Variants in GAS2 observed in about 807,000 individuals in gnomAD.
GAS2 encodes the protein growth arrest specific 2.
GAS2 carries 20 observed loss-of-function variants against 37.5 expected under a neutral mutation model. The ratio of observed to expected loss-of-function variants is 0.53; its 90% confidence interval spans 0.37 to 0.77. The LOEUF (loss-of-function observed/expected upper bound fraction) is 0.77, where lower values mean the gene tolerates loss of function less well. GAS2 is among the 30% of genes least tolerant of loss of function. GAS2 has a pLI of 0.00. For synonymous variants in GAS2, 144 were observed against 132.2 expected (o/e 1.09, Z -0.61); for missense variants, 336 against 373.4 (o/e 0.90, Z 0.82).
intron 7 of GAS2, among the ~76,000 whole-genome samples, chr11:22,772,640 A>T (rs1232211187): frequency 2.0e-5 from 3 of 152,084 alleles, no homozygotes; most frequent in Non-Finnish European, 4.4e-5. Context: ...TAGTTTTTTG[A>T]AGGCAGTTCA....
chr11:22,717,695 A>G lies in GAS2; in HGVS notation c.268-8597A>G, dbSNP rs537055702. 4.6e-5 allele frequency among the ~76,000 whole-genome samples: 7 copies of G among 152,256 alleles called. No individual in the cohort carries two copies. In the East Asian group the frequency reaches 1.4e-3, roughly 29 times the overall value. The stretch of plus-strand genomic sequence containing the variant: ...CCAGAGTAAACAGACAACCCACAGT[A>G]TGAGAGAAATATTCACAAACTATGC... On this transcript the variant is annotated intron_variant, in intron 3 of 7. Transcript: ENST00000454584.
intron 3 of GAS2, among the ~76,000 whole-genome samples, chr11:22,695,638 G>A (rs1590653011): frequency 6.6e-6 from 1 of 152,194 alleles, no homozygotes; most frequent in Admixed American, 6.5e-5. Flanking sequence ...GCAAATGCAA[G>A]TCATATTATT....
intron 7 of GAS2, among the ~76,000 whole-genome samples, chr11:22,787,229 A>G (rs942912042): frequency 6.6e-5 from 10 of 152,138 alleles, no homozygotes; most frequent in African/African-American, 1.2e-4. Flanking sequence ...CTCTGTAGCT[A>G]TTTATGCTGT....
intron 7 of GAS2, among the ~76,000 whole-genome samples, chr11:22,784,934 A>G (rs1400243688): frequency 6.6e-6 from 1 of 152,140 alleles, no homozygotes; most frequent in Non-Finnish European, 1.5e-5. Context: ...TGGCATGGCT[A>G]CAGAAGGTTC....
intron 4 of GAS2, among the ~76,000 whole-genome samples, chr11:22,732,102 C>G (rs889799899): frequency 2.6e-5 from 4 of 151,676 alleles, no homozygotes; most frequent in Admixed American, 2.0e-4. Context: ...CTTCAGAAAT[C>G]ATGCCCCATC....
At chr11:22,752,884 C>A (rs2134312873) in intron 6 of GAS2, among the ~76,000 whole-genome samples, 1 of 152,084 alleles carries the variant, frequency 6.6e-6, no homozygotes, top group South Asian at 2.1e-4. Context: ...AATACATCAC[C>A]TTCTTTAATC....
At chr11:22,659,712 A>G (rs1848894452) in intron 1 of GAS2, among the ~76,000 whole-genome samples, 1 of 152,142 alleles carries the variant, frequency 6.6e-6, no homozygotes, top group South Asian at 2.1e-4. Flanking sequence ...AAATAATTTT[A>G]TTATCACATT....
intron 1 of GAS2, among the ~76,000 whole-genome samples, chr11:22,653,035 C>CTTTCTTTCTTTCTT (rs562393334): frequency 2.2e-3 from 17 of 7,654 alleles, no homozygotes; most frequent in East Asian, 0.013. Flanking sequence ...TTCTTTCTTT[C>CTTTCTTTCTTTCTT]TCTTTCTTTC....
upstream of GAS2, among the ~76,000 whole-genome samples, chr11:22,662,307 G>A: frequency 6.6e-6 from 1 of 152,166 alleles, no homozygotes; most frequent in East Asian, 1.9e-4. Flanking sequence ...GCTTGGGAGT[G>A]AAACTATCAT....
At position 22,725,446 on chromosome 11, in the gene GAS2, T is replaced by G. The variant is rs76755209; in HGVS notation, c.268-846T>G. On this transcript the variant is annotated intron_variant, in intron 3 of 7. Transcript: ENST00000454584. ...AAAAGTCTGTAGAATGTTATATTTTTGATAGAATATCTCACTCTGTCACCT... is the reference window on the plus strand; with the variant it reads ...AAAAGTCTGTAGAATGTTATATTTTGGATAGAATATCTCACTCTGTCACCT... 2.3e-3 allele frequency among the ~76,000 whole-genome samples: 355 copies of G among 152,252 alleles called. 8 individuals are homozygous for G. The East Asian group carries it at 0.056, about 24-fold the overall frequency.
intron 3 of GAS2, among the ~76,000 whole-genome samples, chr11:22,704,379 A>T (rs1005224722): frequency 6.6e-6 from 1 of 151,782 alleles, no homozygotes; most frequent in Non-Finnish European, 1.5e-5. Flanking sequence ...TTGTATTTTA[A>T]AAAGGTTAAT....
At chr11:22,704,047 G>C (rs1016759564) in intron 3 of GAS2, among the ~76,000 whole-genome samples, 1 of 152,084 alleles carries the variant, frequency 6.6e-6, no homozygotes, top group Admixed American at 6.6e-5. Context: ...ATTAAATCTT[G>C]GAAGTGACAA....
chr11:22,640,523 G>A (rs973359337), intron 1 of GAS2, among the ~76,000 whole-genome samples: 33 of 152,086 alleles, frequency 2.2e-4, no homozygotes, highest in African/African-American at 8.0e-4. Flanking sequence ...ATTTCTCCAT[G>A]AGAGTCAATG....
chr11:22,783,114 C>A (rs1855644647), intron 7 of GAS2, among the ~76,000 whole-genome samples: 1 of 151,986 alleles, frequency 6.6e-6, no homozygotes, highest in Non-Finnish European at 1.5e-5. Flanking sequence ...ACGTCCTTTT[C>A]TTTTTGACAT....
chr11:22,697,021 G>T (rs1159554091), intron 3 of GAS2, among the ~76,000 whole-genome samples: 2 of 151,500 alleles, frequency 1.3e-5, no homozygotes, highest in African/African-American at 4.9e-5. Flanking sequence ...CCTTGCCCAT[G>T]CCTATGTCCT....
chr11:22,644,088 T>C (rs1848660985), intron 1 of GAS2, among the ~76,000 whole-genome samples: 1 of 152,196 alleles, frequency 6.6e-6, no homozygotes, highest in African/African-American at 2.4e-5. Context: ...CATGTAGATA[T>C]GTAAACTCAT....
intron 3 of GAS2, among the ~76,000 whole-genome samples, chr11:22,695,735 C>G (rs952128579): frequency 1.3e-5 from 2 of 151,980 alleles, no homozygotes; most frequent in African/African-American, 2.4e-5. Flanking sequence ...GTAGATTTCT[C>G]TAAATTTGAC....
intron 1 of GAS2, 109 bp downstream of exon 1, chr11:22,667,008 G>C (rs1849006483): frequency 1.3e-5 from 2 of 152,378 alleles, no homozygotes; most frequent in South Asian, 2.1e-4. Context: ...CGGGGCGGCG[G>C]GGGAGGGGAG....
chr11:22,652,175 C>T (rs1206977224), intron 1 of GAS2, among the ~76,000 whole-genome samples: 5 of 152,250 alleles, frequency 3.3e-5, no homozygotes, highest in South Asian at 2.1e-4. Context: ...TTGGAGTACC[C>T]GGCCGTGTGA....
Sources: gnomAD v4.1 joint callset for allele counts (sites outside exome capture counted in the v4.1 genomes callset) on GRCh38, gnomAD v4.1.1 for gene constraint, MANE v1.5 for transcripts, NCBI Gene and HGNC (gene_info 2026-07-23, HGNC 2026-07-21) for gene names.